FAM149B1: variants seen among roughly 807,000 people sequenced by gnomAD.
The protein encoded by FAM149B1 is primary cilium assembly protein FAM149B1.
Under a neutral mutation model 75.3 loss-of-function variants are expected in FAM149B1, and 56 were observed. The observed-to-expected ratio is 0.74, with a 90% confidence interval of 0.60 to 0.93. The LOEUF (loss-of-function observed/expected upper bound fraction) is 0.93. FAM149B1 is among the 40% of genes least tolerant of loss of function. The pLI is 0.00. For missense variants in FAM149B1, 639 were observed against 708.4 expected (o/e 0.90, Z 1.11); for synonymous variants, 259 against 256.1 (o/e 1.01, Z -0.11).
chr10:73,211,215 C>G (rs1192556090), intron 7 of FAM149B1, among the ~76,000 whole-genome samples: 1 of 152,106 alleles, frequency 6.6e-6, no homozygotes, highest in Admixed American at 6.5e-5. Context: ...TGTTGGCCAT[C>G]GCTGATTAAC....
At chr10:73,172,084 TA>T (rs1415062333) in intron 1 of FAM149B1, among the ~76,000 whole-genome samples, 4 of 144,936 alleles carry the variant, frequency 2.8e-5, no homozygotes, top group Admixed American at 2.7e-4. Context: ...AATTTAATGA[TA>T]TTTTTTGTTA....
chr10:73,229,992 G>C (rs529235736), intron 8 of FAM149B1, among the ~76,000 whole-genome samples: 1 of 152,222 alleles, frequency 6.6e-6, no homozygotes, highest in Non-Finnish European at 1.5e-5. Context: ...TCCACAGGTA[G>C]TGAAAGAGAA....
At chr10:73,199,371 C>A (rs1193821256) in intron 5 of FAM149B1, among the ~76,000 whole-genome samples, 2 of 152,146 alleles carry the variant, frequency 1.3e-5, no homozygotes, top group South Asian at 2.1e-4. Flanking sequence ...GCGCCCACCA[C>A]CACGCCCGGC....
intron 7 of FAM149B1, 103 bp from the exon 8 acceptor site, chr10:73,227,957 C>T: frequency 8.3e-7 from 1 of 1,206,972 alleles, no homozygotes; most frequent in Non-Finnish European, 1.2e-6. Context: ...TAAGTGAAGC[C>T]TTGTTTGAGA....
chr10:73,176,375 G>A (rs1010027657), intron 2 of FAM149B1, among the ~76,000 whole-genome samples: 4 of 152,118 alleles, frequency 2.6e-5, no homozygotes, highest in Admixed American at 1.3e-4. Context: ...GACCAGCACC[G>A]GTCTGTGACC....
At chr10:73,216,317 C>T (rs924334172) in intron 7 of FAM149B1, among the ~76,000 whole-genome samples, 31 of 152,044 alleles carry the variant, frequency 2.0e-4, no homozygotes, top group Non-Finnish European at 4.4e-5. Flanking sequence ...TTGTAGGCAG[C>T]ATATAGTTGG....
At chr10:73,178,125 T>C in intron 3 of FAM149B1, 150 bp downstream of exon 3, 1 of 856,412 alleles carries the variant, frequency 1.2e-6, no homozygotes, top group South Asian at 2.2e-5. Flanking sequence ...TCAGTCCTCA[T>C]CTTCTTTCAG....
At position 73,168,230 on chromosome 10, in the gene FAM149B1, C is replaced by A; in HGVS notation, c.-110C>A. ...GGGGCGAGACGGGGCCGGTAGGTGGCGGGAGGGGCCGGGCCGGAGCCGGCG... is the reference window on the plus strand; with the variant it reads ...GGGGCGAGACGGGGCCGGTAGGTGGAGGGAGGGGCCGGGCCGGAGCCGGCG... On this transcript the variant is annotated 5_prime_UTR_variant, in exon 1 of 14. Transcript: ENST00000242505. 8.4e-7 allele frequency: 1 copy of A among 1,197,414 alleles called. No homozygotes were observed. Among genetic ancestry groups the A allele is most frequent in the East Asian group, 2.7e-5 (1 of 36,878 alleles). The allele number at this position is 1,197,414 out of a possible 1,614,324, so 74.2% of individuals were successfully genotyped here.
At chr10:73,210,820 T>G (rs2043171327) in intron 7 of FAM149B1, among the ~76,000 whole-genome samples, 1 of 151,290 alleles carries the variant, frequency 6.6e-6, no homozygotes. Flanking sequence ...AGAGACTCTG[T>G]CTCAAAAAAG....
chr10:73,194,533 C>T (rs889563867), intron 5 of FAM149B1, among the ~76,000 whole-genome samples: 3 of 151,984 alleles, frequency 2.0e-5, no homozygotes, highest in Non-Finnish European at 4.4e-5. Context: ...GCTGGGACTG[C>T]AGGTGTGTGC....
In FAM149B1 at chr10:73,168,453, A is replaced by G; in HGVS notation, c.47+67A>G. The G allele has an allele frequency of 3.3e-6, 5 of 1,524,076 alleles. No homozygotes were observed. In the Admixed American group the frequency reaches 6.1e-5, roughly 19 times the overall value. 94.4% of individuals were successfully genotyped at this position (1,524,076 alleles called of 1,614,324 possible). ...GGCGCTCTGGGGACCCTCCTTGACC[A>G]GTCCTTCGTTCCTTTCCTTTCCCAG... On this transcript the variant is annotated intron_variant, in intron 1 of 13. Transcript: ENST00000242505.
rs1843874460 is a variant in FAM149B1, at chr10:73,174,799, C to T, written c.152+8C>T. ...AGACACAAGTTCCCAAAGGTAATAACACAAAGTGTACTTGTTTACTTATTG... is the reference window on the plus strand; with the variant it reads ...AGACACAAGTTCCCAAAGGTAATAATACAAAGTGTACTTGTTTACTTATTG... On this transcript the variant is annotated splice_region_variant and intron_variant, in intron 2 of 13. Transcript: ENST00000242505. The T allele has an allele frequency of 6.6e-7, 1 of 1,522,858 alleles. No homozygotes were observed. Among genetic ancestry groups the T allele is most frequent in the South Asian group, 1.2e-5 (1 of 83,490 alleles). 94.3% of individuals were successfully genotyped at this position (1,522,858 alleles called of 1,614,324 possible). A position where few individuals can be genotyped will look rare whatever the true frequency, so the allele number is the denominator to read the frequency against.
chr10:73,213,949 G>A (rs754204388), intron 7 of FAM149B1, among the ~76,000 whole-genome samples: 1 of 152,134 alleles, frequency 6.6e-6, no homozygotes, highest in African/African-American at 2.4e-5. Flanking sequence ...TTCAATCCAT[G>A]AGCATGGGAT....
In FAM149B1 at chr10:73,219,478, G is replaced by A. The variant is rs552309883; in HGVS notation, c.899-8582G>A. Among the ~76,000 whole-genome samples, 23 of 152,244 alleles carry A rather than the reference G, an allele frequency of 1.5e-4. No homozygotes were observed. In the South Asian group the frequency reaches 4.8e-3, roughly 32 times the overall value. ...AATATTTCTAAAGAATAAAGTTAGA[G>A]GATTCACACTTCCTGATTTAAAAAG... On this transcript the variant is annotated intron_variant, in intron 7 of 13. Coordinates refer to ENST00000242505, the MANE Select transcript of FAM149B1 (RefSeq NM_173348.2).
chr10:73,210,089 T>C (rs768212611), intron 6 of FAM149B1, among the ~76,000 whole-genome samples, 162 bp from the exon 7 acceptor site: 9 of 152,254 alleles, frequency 5.9e-5, no homozygotes, highest in Non-Finnish European at 8.8e-5. Context: ...GTCAAATTAC[T>C]TCTATTTTCT....
intron 8 of FAM149B1, among the ~76,000 whole-genome samples, chr10:73,229,000 C>G (rs377682445): frequency 6.6e-6 from 1 of 152,090 alleles, no homozygotes; most frequent in Non-Finnish European, 1.5e-5. Context: ...TGAGTCGCCA[C>G]CATACCCAGG....
chr10:73,212,847 CTCTCTCTCTCTCTGTGTT>C (rs1468242306), intron 7 of FAM149B1, among the ~76,000 whole-genome samples: 3 of 150,000 alleles, frequency 2.0e-5, no homozygotes, highest in Non-Finnish European at 4.4e-5. Context: ...CTCTCTCACT[CTCTCTCTCTCTCTGTGTT>C]TCTCTCTCTC....
intron 7 of FAM149B1, among the ~76,000 whole-genome samples, chr10:73,222,992 T>C (rs1011128775): frequency 6.6e-6 from 1 of 152,190 alleles, no homozygotes; most frequent in Admixed American, 6.5e-5. Context: ...TGGTGGTGCA[T>C]GCCTGTAGTC....
intron 13 of FAM149B1, among the ~76,000 whole-genome samples, chr10:73,239,692 A>T (rs1295029289): frequency 1.4e-4 from 21 of 151,756 alleles, no homozygotes; most frequent in Non-Finnish European, 1.5e-5. Context: ...AACCCAAATT[A>T]GTCCTTGTTG....
Sources: allele counts gnomAD v4.1 joint callset (sites outside exome capture counted in the v4.1 genomes callset), GRCh38; gene constraint gnomAD v4.1.1; transcripts MANE v1.5; gene names NCBI Gene and HGNC (gene_info 2026-07-23, HGNC 2026-07-21).